The following SEMA4C variants were observed in gnomAD, a reference collection of about 807,000 sequenced individuals.
SEMA4C encodes semaphorin-4C.
In SEMA4C, 19 loss-of-function variants were observed where a neutral mutation model predicts 89.0. That is an observed-to-expected ratio of 0.21 (90% CI 0.15 to 0.31). The LOEUF (loss-of-function observed/expected upper bound fraction) is 0.31. Among genes scored for constraint, SEMA4C ranks in the 10% least tolerant of loss-of-function variants. SEMA4C has a pLI of 1.00. For synonymous variants in SEMA4C, 428 were observed against 472.7 expected, an observed-to-expected ratio of 0.91 and a Z score of 1.23; for missense variants, 811 against 1,107.0, an observed-to-expected ratio of 0.73 and a Z score of 3.79.
upstream of SEMA4C, chr2:96,870,459 C>A: frequency 1.1e-6 from 1 of 931,116 alleles, no homozygotes; most frequent in Non-Finnish European, 1.3e-6. Context: ...GTTGCAGGAA[C>A]GACCGCGGGC....
rs2079914819 is a variant in SEMA4C, at chr2:96,860,465, C to T, written c.*161G>A. On this transcript the variant is annotated 3_prime_UTR_variant, in exon 15 of 15. Coordinates refer to ENST00000305476, the MANE Select transcript of SEMA4C (RefSeq NM_017789.5). Reference sequence around the variant, plus strand: ...TGGTGAGCCACACCAAGTGGCAGTGCCCGTGCTGAGCAGAGCAGGTCCTCA... The same window carrying T: ...TGGTGAGCCACACCAAGTGGCAGTGTCCGTGCTGAGCAGAGCAGGTCCTCA... 3.3e-6 allele frequency: 2 copies of T among 599,932 alleles called. No individual in the cohort carries two copies. Among genetic ancestry groups the T allele is most frequent in the Non-Finnish European group, 5.5e-6 (2 of 361,518 alleles). 37.2% of individuals were successfully genotyped at this position (599,932 alleles called of 1,614,324 possible).
rs147902380 is a variant in SEMA4C, at chr2:96,867,337, C to T, written c.109+441G>A. ...TGCACAGGGAGCACTGCTGGGTCCC[C>T]GCTGTGCCCCGGCAACCATGCGAGC... On this transcript the variant is annotated intron_variant, in intron 2 of 14. Coordinates refer to ENST00000305476, the MANE Select transcript of SEMA4C (RefSeq NM_017789.5). Among the ~76,000 whole-genome samples, 140 of 152,298 alleles carry T rather than the reference C, an allele frequency of 9.2e-4. 1 individual carries two copies. Among genetic ancestry groups the T allele is most frequent in the African/African-American group, 2.9e-3 (121 of 41,556 alleles).
intron 1 of SEMA4C, among the ~76,000 whole-genome samples, 174 bp from the exon 2 acceptor site, chr2:96,868,097 G>T (rs1032064452): frequency 1.3e-5 from 2 of 152,248 alleles, no homozygotes; most frequent in African/African-American, 4.8e-5. Flanking sequence ...CTGCCTAAAA[G>T]ACCACAGGTC....
Position 96,860,480 on chromosome 2 carries a change from G to T in SEMA4C, c.*146C>A. 2 of 710,120 alleles carry T rather than the reference G, an allele frequency of 2.8e-6. No individual in the cohort carries two copies. Among genetic ancestry groups the T allele is most frequent in the South Asian group, 2.0e-5 (1 of 49,362 alleles). 44.0% of individuals were successfully genotyped at this position (710,120 alleles called of 1,614,324 possible). ...AGTGGCAGTGCCCGTGCTGAGCAGA[G>T]CAGGTCCTCATGGCCGGGTGGGTGC... is the stretch of plus-strand genomic sequence containing the variant. On this transcript the variant is annotated 3_prime_UTR_variant, in exon 15 of 15. Transcript: ENST00000305476.
intron 12 of SEMA4C, chr2:96,863,256 T>G: frequency 9.9e-7 from 1 of 1,014,972 alleles, no homozygotes; most frequent in Non-Finnish European, 1.2e-6. Context: ...ATGCAAGCAC[T>G]TCAGGGAAAC....
chr2:96,868,528 G>A (rs2080133351), intron 1 of SEMA4C: 1 of 986,246 alleles, frequency 1.0e-6, no homozygotes, highest in Middle Eastern at 5.2e-4. Flanking sequence ...GGGCAGGAGT[G>A]TGAGAAGGGC....
chr2:96,869,260 C>A, intron 1 of SEMA4C: 1 of 985,388 alleles, frequency 1.0e-6, no homozygotes, highest in Non-Finnish European at 1.2e-6. Context: ...CGCAGCTCCC[C>A]CCAGGGCGAG....
intron 2 of SEMA4C, chr2:96,867,029 G>A: frequency 9.5e-6 from 2 of 210,080 alleles, no homozygotes; most frequent in South Asian, 1.5e-4. Flanking sequence ...GCGGAGATGG[G>A]GCTGGGGCCT....
At chr2:96,865,842 C>T (rs1574151760) in intron 4 of SEMA4C, 25 bp downstream of exon 4, 1 of 1,614,026 alleles carries the variant, frequency 6.2e-7, no homozygotes, top group Non-Finnish European at 8.5e-7. Flanking sequence ...GAAGGCAGCA[C>T]CAGGAGCAGC....
intron 1 of SEMA4C, chr2:96,869,609 G>C: frequency 2.0e-6 from 2 of 985,192 alleles, no homozygotes; most frequent in Non-Finnish European, 2.4e-6. Flanking sequence ...CCGCGGACCG[G>C]ACCGCGCGAG....
intron 12 of SEMA4C, chr2:96,862,135 C>T (rs1171833930): frequency 1.6e-5 from 8 of 512,272 alleles, no homozygotes; most frequent in Middle Eastern, 5.0e-4. Context: ...ATCGACGTGA[C>T]GTTATTAGAA....
chr2:96,860,950 T>C lies in SEMA4C; in HGVS notation c.2178A>G (p.Pro726=), dbSNP rs147201682. 8 of 1,612,964 alleles carry C rather than the reference T, an allele frequency of 5.0e-6. No individual in the cohort carries two copies. The highest frequency in any genetic ancestry group is 2.2e-5 in the East Asian group (1 of 44,892). Residue 726 remains proline (P), a synonymous_variant, in exon 15 of 15, where the codon CCA becomes CCG. Transcript: ENST00000305476. ...TSPPFRPCPE[P]DEKLWDPVGY... ...CGACAGGATCCCAAAGTTTCTCATC[T>C]GGTTCAGGACAGGGCCGGAAGGGGG...
At chr2:96,868,149 A>C (rs927792456) in intron 1 of SEMA4C, among the ~76,000 whole-genome samples, 5 of 152,218 alleles carry the variant, frequency 3.3e-5, no homozygotes, top group African/African-American at 4.8e-5. Context: ...TGAAGGCTAA[A>C]CAGGCTCCGG....
chr2:96,870,766 A>G, upstream of SEMA4C: 1 of 985,414 alleles, frequency 1.0e-6, no homozygotes, highest in Non-Finnish European at 1.2e-6. Context: ...TACTGTTCAG[A>G]TGAAAGGGGC....
Position 96,861,869 on chromosome 2 carries a change from G to T in SEMA4C, c.1469C>A (p.Ser490Tyr), listed in dbSNP as rs1452954695. The change falls in exon 13 of 15, where the codon TCT becomes TAT. Residue 490 changes from serine (S) to tyrosine (Y), a missense_variant. Ser to Tyr is a moderately radical substitution (Grantham distance 144). Transcript: ENST00000305476. The surrounding 1 kb of genome is among the most constrained non-coding windows in gnomAD (Gnocchi z 7.8). ...GGCCACGGGCAGCTGCACCAGCTGA[G>T]AGCGGGAGCCGGCAAAGAGCAGCTT... ...SKKLLFAGSRSQLVQLPVADC... is the reference protein window; with the variant it reads ...SKKLLFAGSRYQLVQLPVADC... The T allele has an allele frequency of 5.6e-6, 9 of 1,611,918 alleles. No individual in the cohort carries two copies. Among genetic ancestry groups the T allele is most frequent in the African/African-American group, 2.7e-5 (2 of 74,936 alleles).
chr2:96,863,462 T>C (rs1345074825), intron 12 of SEMA4C: 3 of 1,330,870 alleles, frequency 2.3e-6, no homozygotes, highest in Non-Finnish European at 1.9e-6. Flanking sequence ...CCCCGTGACC[T>C]GGCTATATAT....
chr2:96,863,303 G>A (rs2079994368), intron 12 of SEMA4C: 1 of 1,032,074 alleles, frequency 9.7e-7, no homozygotes, highest in African/African-American at 1.7e-5. Context: ...AAACCACCAT[G>A]GTGAGGGCAT....
intron 3 of SEMA4C, among the ~76,000 whole-genome samples, 167 bp downstream of exon 3, chr2:96,866,116 G>A (rs905438784): frequency 1.3e-5 from 2 of 152,240 alleles, no homozygotes; most frequent in African/African-American, 4.8e-5. Context: ...GTAAGTGCCA[G>A]AGAGGAGAGG....
In SEMA4C at chr2:96,863,999, G is replaced by A. The variant is rs200610513; in HGVS notation, c.1257C>T (p.Asn419=). 94 of 1,613,500 alleles carry A rather than the reference G, an allele frequency of 5.8e-5. No homozygotes were observed. The highest frequency in any genetic ancestry group is 7.6e-5 in the Non-Finnish European group (90 of 1,180,022). ...SRPLLVKKGT[N]FTHLVADRVT... Reference sequence around the variant, plus strand: ...CCCGGTCGGCCACCAGGTGGGTGAAGTTGGTGCCCTTCTTCACGAGCAGGG... The same window carrying A: ...CCCGGTCGGCCACCAGGTGGGTGAAATTGGTGCCCTTCTTCACGAGCAGGG... Residue 419 remains asparagine (N), a synonymous_variant, in exon 11 of 15, where the codon AAC becomes AAT. Transcript: ENST00000305476.
Sources: gnomAD v4.1 joint callset for allele counts (sites outside exome capture counted in the v4.1 genomes callset) on GRCh38, gnomAD v4.1.1 for gene constraint, Gnocchi (gnomAD v3.1) non-coding constraint, MANE v1.5 for transcripts, NCBI Gene and HGNC (gene_info 2026-07-23, HGNC 2026-07-21) for gene names.